The following ADGRG7 variants were observed in gnomAD, a reference collection of about 807,000 sequenced individuals.
ADGRG7 encodes the protein adhesion G protein-coupled receptor G7.
In ADGRG7, 82 loss-of-function variants were observed where a neutral mutation model predicts 88.6. That is an observed-to-expected ratio of 0.93 (90% CI 0.77 to 1.11). The LOEUF is 1.11. Among genes scored for constraint, ADGRG7 ranks in the 50% most tolerant of loss-of-function variants. The probability of loss-of-function intolerance (pLI) is 0.00; values close to 1 mark genes in which losing one functional copy is unlikely to be tolerated. For missense variants in ADGRG7, 945 were observed against 953.4 expected, an observed-to-expected ratio of 0.99 and a Z score of 0.12; for synonymous variants, 381 against 345.2, an observed-to-expected ratio of 1.10 and a Z score of -1.15.
At chr3:100,683,004 G>A (rs1425209651) in intron 15 of ADGRG7, among the ~76,000 whole-genome samples, 8 of 152,144 alleles carry the variant, frequency 5.3e-5, no homozygotes, top group Admixed American at 5.2e-4. Flanking sequence ...TTAAAGCCAG[G>A]GAGGGCCTGA....
chr3:100,627,314 G>A lies in ADGRG7; in HGVS notation c.116-2284G>A, dbSNP rs182504521. 3.4e-3 allele frequency among the ~76,000 whole-genome samples: 519 copies of A among 152,298 alleles called. 3 individuals carry two copies. The highest frequency in any genetic ancestry group is 0.012 in the African/African-American group (504 of 41,574). On this transcript the variant is annotated intron_variant, in intron 1 of 15. Coordinates refer to ENST00000273352, the MANE Select transcript of ADGRG7 (RefSeq NM_032787.3). ...TTTTGTCTCCTGCATTTATTGAGAT[G>A]ATCGTGAAGTTTATCTCCTTTATTC...
chr3:100,645,670 T>G (rs1707731807), intron 8 of ADGRG7, among the ~76,000 whole-genome samples: 2 of 152,128 alleles, frequency 1.3e-5, no homozygotes, highest in South Asian at 4.1e-4. Context: ...TGCAATACCT[T>G]TTTGAGGTGG....
chr3:100,677,461 G>A lies in ADGRG7; in HGVS notation c.2136+8356G>A, dbSNP rs1298420118. Among the ~76,000 whole-genome samples the A allele has an allele frequency of 2.0e-5, 3 of 152,038 alleles. No homozygotes were observed. In the South Asian group the frequency reaches 6.2e-4, roughly 32 times the overall value. On this transcript the variant is annotated intron_variant, in intron 15 of 15. Transcript: ENST00000273352. ...TTCATCTTTTCATCTTTCTGCTCAAGATGTAAGTAGTTTATACACCAGTAT... is the reference window on the plus strand; with the variant it reads ...TTCATCTTTTCATCTTTCTGCTCAAAATGTAAGTAGTTTATACACCAGTAT...
chr3:100,650,106 C>A (rs2094926802), intron 11 of ADGRG7, among the ~76,000 whole-genome samples: 1 of 152,156 alleles, frequency 6.6e-6, no homozygotes, highest in Admixed American at 6.5e-5. Context: ...TTGAATAGAA[C>A]CATGCCTAGC....
rs1182690893 is a variant in ADGRG7, at chr3:100,688,249, T to C, written c.2137-6495T>C. Among the ~76,000 whole-genome samples, 7 of 152,348 alleles carry C rather than the reference T, an allele frequency of 4.6e-5. No individual in the cohort carries two copies. In the East Asian group the frequency reaches 1.3e-3, roughly 29 times the overall value. Reference sequence around the variant, plus strand: ...TCCCCTTTTCATTTTTTATTGTGTCTATTTGATTCTTCTCTCTTTTCTTCT... The same window carrying C: ...TCCCCTTTTCATTTTTTATTGTGTCCATTTGATTCTTCTCTCTTTTCTTCT... On this transcript the variant is annotated intron_variant, in intron 15 of 15. Transcript: ENST00000273352.
intron 15 of ADGRG7, among the ~76,000 whole-genome samples, chr3:100,679,629 CT>C (rs1386360685): frequency 1.3e-5 from 2 of 152,212 alleles, no homozygotes; most frequent in African/African-American, 4.8e-5. Flanking sequence ...CTCTTTATGA[CT>C]TACCTACTAT....
chr3:100,616,804 G>A (rs1233153731), intron 1 of ADGRG7, among the ~76,000 whole-genome samples: 3 of 152,192 alleles, frequency 2.0e-5, no homozygotes, highest in Admixed American at 1.3e-4. Context: ...CTGGGTGACA[G>A]AGGGAGATCC....
At chr3:100,661,366 GAT>G (rs942160285) in intron 14 of ADGRG7, among the ~76,000 whole-genome samples, 2 of 152,204 alleles carry the variant, frequency 1.3e-5, no homozygotes, top group Non-Finnish European at 2.9e-5. Context: ...AGTAATACCA[GAT>G]GAGTAAAAGC....
chr3:100,631,130 A>G (rs1707455212), intron 3 of ADGRG7, among the ~76,000 whole-genome samples: 1 of 152,158 alleles, frequency 6.6e-6, no homozygotes, highest in South Asian at 2.1e-4. Context: ...AATTAAAAAA[A>G]AAGTTCTAAT....
intron 15 of ADGRG7, among the ~76,000 whole-genome samples, chr3:100,691,913 G>C (rs2094994637): frequency 6.6e-6 from 1 of 152,092 alleles, no homozygotes; most frequent in East Asian, 1.9e-4. Flanking sequence ...ACTTGCTTGT[G>C]CATATCTTTC....
intron 3 of ADGRG7, among the ~76,000 whole-genome samples, chr3:100,631,166 T>C (rs192171921): frequency 1.3e-5 from 2 of 152,336 alleles, no homozygotes; most frequent in African/African-American, 4.8e-5. Flanking sequence ...ACTTGTATCA[T>C]ATCTATTTTC....
At chr3:100,685,017 A>C (rs1298688330) in intron 15 of ADGRG7, among the ~76,000 whole-genome samples, 1 of 152,076 alleles carries the variant, frequency 6.6e-6, no homozygotes, top group Admixed American at 6.5e-5. Context: ...TGATAATTAT[A>C]TTAACTGTAT....
At chr3:100,679,720 A>T (rs1339331531) in intron 15 of ADGRG7, among the ~76,000 whole-genome samples, 1 of 152,230 alleles carries the variant, frequency 6.6e-6, no homozygotes, top group South Asian at 2.1e-4. Context: ...TGAGTAGGAG[A>T]GATTTTTGTC....
Position 100,645,985 on chromosome 3 carries a change from C to T in ADGRG7, c.987C>T (p.Asp329=). 1 of 1,613,830 alleles carries T rather than the reference C, an allele frequency of 6.2e-7. No homozygotes were observed. Among genetic ancestry groups the T allele is most frequent in the South Asian group, 1.1e-5 (1 of 91,056 alleles). The change falls in exon 9 of 16, where the codon GAC becomes GAT. Residue 329 remains aspartate (D), a synonymous_variant. Transcript: ENST00000273352. ...GCGGCTTTGTAGTTTATCAAAATGA[C>T]AAGCTTTTCCAATCAAAAACTTTTA... ...KTCGFVVYQN[D]KLFQSKTFTA...
At chr3:100,621,072 A>T (rs1037313387) in intron 1 of ADGRG7, among the ~76,000 whole-genome samples, 7 of 152,134 alleles carry the variant, frequency 4.6e-5, no homozygotes, top group Non-Finnish European at 7.4e-5. Flanking sequence ...CCATGTAAAG[A>T]TGGCAAACAT....
At position 100,609,787 on chromosome 3, in the gene ADGRG7, C is replaced by A; in HGVS notation, c.-70C>A. On this transcript the variant is annotated 5_prime_UTR_variant, in exon 1 of 16. Coordinates refer to ENST00000273352, the MANE Select transcript of ADGRG7 (RefSeq NM_032787.3). ...TGTTTTAGAATAGTTTCCGATTAAA[C>A]TTTTTAGCTCAAGAAGAAAAGAAGC... 1 of 1,205,700 alleles carries A rather than the reference C, an allele frequency of 8.3e-7. No homozygotes were observed. Among genetic ancestry groups the A allele is most frequent in the Non-Finnish European group, 1.2e-6 (1 of 816,468 alleles). 74.7% of individuals were successfully genotyped at this position (1,205,700 alleles called of 1,614,324 possible). A position where few individuals can be genotyped will look rare whatever the true frequency, so the allele number is the denominator to read the frequency against.
At chr3:100,665,076 A>G (rs961408519) in intron 14 of ADGRG7, 3 of 497,368 alleles carry the variant, frequency 6.0e-6, no homozygotes, top group Non-Finnish European at 1.2e-5. Context: ...AGTTTCTCAC[A>G]TAACCATTCT....
chr3:100,694,375 T>C (rs186777284), intron 15 of ADGRG7, among the ~76,000 whole-genome samples: 431 of 152,314 alleles, frequency 2.8e-3, no homozygotes, highest in Non-Finnish European at 4.9e-3. Flanking sequence ...CCAAGAAATA[T>C]GGAAGCACAG....
intron 4 of ADGRG7, among the ~76,000 whole-genome samples, chr3:100,634,924 G>A (rs541599045): frequency 6.6e-6 from 1 of 152,110 alleles, no homozygotes; most frequent in Admixed American, 6.5e-5. Flanking sequence ...TATTGTTTCT[G>A]ACACTTACCC....
Sources: gnomAD v4.1 joint callset for allele counts (sites outside exome capture counted in the v4.1 genomes callset) on GRCh38, gnomAD v4.1.1 for gene constraint, MANE v1.5 for transcripts, NCBI Gene and HGNC (gene_info 2026-07-23, HGNC 2026-07-21) for gene names.